Variants in ZNF407 observed in about 807,000 individuals in gnomAD.
The protein encoded by ZNF407 is zinc finger protein 407.
Under a neutral mutation model 131.2 loss-of-function variants are expected in ZNF407, and 17 were observed. The observed-to-expected ratio is 0.13, with a 90% CI of 0.09 to 0.19. The LOEUF (loss-of-function observed/expected upper bound fraction) is 0.19. Ranked by LOEUF, ZNF407 falls within the 10% of genes least tolerant of loss-of-function variation. The pLI is 1.00. For synonymous variants in ZNF407, 1,156 were observed against 1,062.0 expected (o/e 1.09, Z -1.72); for missense variants, 2,681 against 2,830.6 (o/e 0.95, Z 1.20).
At chr18:74,739,254 A>T (rs1968492681) in intron 3 of ZNF407, among the ~76,000 whole-genome samples, 1 of 151,618 alleles carries the variant, frequency 6.6e-6, no homozygotes, top group South Asian at 2.1e-4. Flanking sequence ...GAGTGCTTAG[A>T]ACTTTTGCTT....
intron 4 of ZNF407, among the ~76,000 whole-genome samples, chr18:74,806,568 T>C (rs1421957199): frequency 2.0e-5 from 3 of 152,146 alleles, no homozygotes; most frequent in Admixed American, 6.5e-5. Context: ...GTTGTGAGGA[T>C]CAAACAAGAT....
intron 3 of ZNF407, among the ~76,000 whole-genome samples, chr18:74,774,860 G>C (rs189112157): frequency 1.6e-4 from 25 of 152,218 alleles, no homozygotes; most frequent in East Asian, 9.7e-4. Flanking sequence ...GGGGAAAAGT[G>C]TCATCTCAGT....
intron 3 of ZNF407, among the ~76,000 whole-genome samples, chr18:74,705,105 A>G (rs1967594034): frequency 6.6e-6 from 1 of 152,030 alleles, no homozygotes; most frequent in South Asian, 2.1e-4. Context: ...AGGTTAATGG[A>G]GGATTGATAA....
At chr18:74,943,810 A>C (rs1321548815) in intron 8 of ZNF407, among the ~76,000 whole-genome samples, 1 of 152,172 alleles carries the variant, frequency 6.6e-6, no homozygotes, top group East Asian at 1.9e-4. Context: ...TGGGACCCTG[A>C]GGATAGCGTG....
chr18:74,931,272 T>C (rs1387072948), intron 8 of ZNF407, among the ~76,000 whole-genome samples: 7 of 152,212 alleles, frequency 4.6e-5, no homozygotes, highest in Non-Finnish European at 5.9e-5. Context: ...AAGAAAAACT[T>C]ATAAAATGAG....
At chr18:74,599,511 A>G (rs1275702790) in intron 1 of ZNF407, among the ~76,000 whole-genome samples, 1 of 152,240 alleles carries the variant, frequency 6.6e-6, no homozygotes, top group Non-Finnish European at 1.5e-5. Flanking sequence ...GGTTGAATAG[A>G]CACATAAATA....
chr18:74,761,580 G>A (rs10871527), intron 3 of ZNF407, among the ~76,000 whole-genome samples: 117,037 of 152,082 alleles, frequency 0.77, 49,470 homozygotes, highest in Non-Finnish European at 0.93. Flanking sequence ...ACCCATAGAT[G>A]CAAGTTTGCC....
At chr18:74,811,350 G>A (rs539712943) in intron 4 of ZNF407, among the ~76,000 whole-genome samples, 1 of 152,230 alleles carries the variant, frequency 6.6e-6, no homozygotes, top group South Asian at 2.1e-4. Flanking sequence ...AGTTAGAATG[G>A]CAATCATTAA....
intron 8 of ZNF407, among the ~76,000 whole-genome samples, chr18:75,050,837 ATG>A (rs1973492296): frequency 1.3e-5 from 2 of 152,192 alleles, no homozygotes; most frequent in Non-Finnish European, 2.9e-5. Flanking sequence ...ACAGAGATCT[ATG>A]GAGATTTCTC....
intron 4 of ZNF407, among the ~76,000 whole-genome samples, chr18:74,847,693 G>A (rs1232376394): frequency 6.6e-6 from 1 of 152,182 alleles, no homozygotes; most frequent in Non-Finnish European, 1.5e-5. Flanking sequence ...AACATGTGTA[G>A]TGTGTATGTC....
chr18:74,664,498 A>AAC (rs748547626), intron 3 of ZNF407, among the ~76,000 whole-genome samples: 3 of 152,064 alleles, frequency 2.0e-5, no homozygotes, highest in Non-Finnish European at 2.9e-5. Context: ...CCGTCTCAAA[A>AAC]ACAAACAAAC....
intron 4 of ZNF407, among the ~76,000 whole-genome samples, chr18:74,875,590 A>G (rs1827424996): frequency 6.6e-6 from 1 of 152,214 alleles, no homozygotes; most frequent in Non-Finnish European, 1.5e-5. Context: ...TCTTGGAAAT[A>G]AGATCCCTGT....
At position 74,633,321 on chromosome 18, in the gene ZNF407, G is replaced by A. The variant is rs369341093; in HGVS notation, c.2302G>A (p.Gly768Ser). Residue 768 changes from glycine to serine, a missense_variant, in exon 2 of 9, where the codon GGC becomes AGC. Gly to Ser is a moderately conservative substitution (Grantham distance 56). This residue lies in a region of ZNF407 where 1,789 missense variants were observed against 1,748.7 expected (regional missense o/e 1.02). Transcript: ENST00000299687. ...TGAAAATGCTAAGAAAAATAATATT[G>A]GCTTAAGCTTTGAAGAATGTATTGA... ...HLENAKKNNIGLSFEECIERV... is the reference protein window; with the variant it reads ...HLENAKKNNISLSFEECIERV... 6.2e-7 allele frequency: 1 copy of A among 1,613,066 alleles called. No homozygotes were observed. The highest frequency in any genetic ancestry group is 8.5e-7 in the Non-Finnish European group (1 of 1,179,740).
intron 8 of ZNF407, among the ~76,000 whole-genome samples, chr18:74,984,352 C>T (rs1196818979): frequency 3.3e-5 from 5 of 152,162 alleles, no homozygotes; most frequent in African/African-American, 1.2e-4. Context: ...CTGGGCCATC[C>T]AAATCATTCC....
intron 1 of ZNF407, among the ~76,000 whole-genome samples, chr18:74,605,045 C>T (rs1982743587): frequency 2.6e-5 from 4 of 152,178 alleles, no homozygotes; most frequent in African/African-American, 7.2e-5. Flanking sequence ...AACTAACAGT[C>T]TAATTTTCAT....
chr18:74,639,585 A>T (rs143384554), intron 2 of ZNF407, among the ~76,000 whole-genome samples: 119 of 152,334 alleles, frequency 7.8e-4, no homozygotes, highest in African/African-American at 2.4e-3. Context: ...CCTGCTTTTG[A>T]CATTTAAACA....
At chr18:74,852,037 C>G (rs139582083) in intron 4 of ZNF407, among the ~76,000 whole-genome samples, 15 of 152,258 alleles carry the variant, frequency 9.9e-5, no homozygotes, top group African/African-American at 3.6e-4. Flanking sequence ...ATCTCCTGCT[C>G]CACTCCAGGG....
intron 4 of ZNF407, among the ~76,000 whole-genome samples, chr18:74,802,917 T>G (rs1034765779): frequency 2.6e-5 from 4 of 152,190 alleles, no homozygotes; most frequent in African/African-American, 4.8e-5. Context: ...AATGTGTTTT[T>G]TTGTTGTTGT....
chr18:74,657,731 C>T (rs1416343659), intron 3 of ZNF407, among the ~76,000 whole-genome samples: 2 of 152,144 alleles, frequency 1.3e-5, no homozygotes, highest in East Asian at 1.9e-4. Context: ...GCAGTGTTTA[C>T]GCTGTACTTG....
Sources: allele counts gnomAD v4.1 joint callset (sites outside exome capture counted in the v4.1 genomes callset), GRCh38; gene constraint gnomAD v4.1.1; regional missense constraint gnomAD v4.1.1; transcripts MANE v1.5; gene names NCBI Gene and HGNC (gene_info 2026-07-23, HGNC 2026-07-21).